The following PISD variants were observed in gnomAD, a reference collection of about 807,000 sequenced individuals.
PISD encodes phosphatidylserine decarboxylase.
A neutral mutation model predicts 43.5 loss-of-function variants in PISD; 31 were observed. The ratio of observed to expected loss-of-function variants is 0.71; its 90% CI spans 0.54 to 0.96. The LOEUF (loss-of-function observed/expected upper bound fraction) is 0.96. Ranked by LOEUF, PISD falls within the 40% of genes least tolerant of loss-of-function variation. The pLI is 0.00. For synonymous variants in PISD, 259 were observed against 228.7 expected, an observed-to-expected ratio of 1.13 and a Z score of -1.20; for missense variants, 523 against 548.4, an observed-to-expected ratio of 0.95 and a Z score of 0.46.
At chr22:31,655,076 C>CAAAAAAA (rs1038608958) in intron 1 of PISD, among the ~76,000 whole-genome samples, 1 of 57,112 alleles carries the variant, frequency 1.8e-5, no homozygotes, top group Non-Finnish European at 3.4e-5. Flanking sequence ...ACTCTATCTC[C>CAAAAAAA]AAAAAAAAAA....
At chr22:31,635,944 G>A (rs1022563083) in intron 3 of PISD, among the ~76,000 whole-genome samples, 6 of 152,240 alleles carry the variant, frequency 3.9e-5, no homozygotes, top group African/African-American at 1.4e-4. Context: ...TCCACTCCCT[G>A]CCAGCATGGG....
chr22:31,624,706 A>G (rs1338333576), intron 3 of PISD, among the ~76,000 whole-genome samples: 1 of 126,346 alleles, frequency 7.9e-6, no homozygotes. Context: ...CCTTTCAGCA[A>G]AGGTGGACAC....
chr22:31,620,171 G>A (rs2072442858), intron 7 of PISD, among the ~76,000 whole-genome samples: 1 of 152,354 alleles, frequency 6.6e-6, no homozygotes, highest in East Asian at 1.9e-4. Context: ...CCTGGGGGCA[G>A]GGTGGGCAGC....
At chr22:31,628,261 C>T (rs1421069459) in intron 3 of PISD, 1 of 878,088 alleles carries the variant, frequency 1.1e-6, no homozygotes, top group Non-Finnish European at 1.4e-6. Flanking sequence ...TCTTGCTTCC[C>T]AAGGCCAAGC....
intron 3 of PISD, among the ~76,000 whole-genome samples, chr22:31,626,776 G>A (rs2072933404): frequency 6.6e-6 from 1 of 152,246 alleles, no homozygotes; most frequent in Admixed American, 6.5e-5. Context: ...GCGGAAGGAA[G>A]AGCAAACATG....
intron 3 of PISD, among the ~76,000 whole-genome samples, chr22:31,625,253 T>G (rs1055971673): frequency 3.3e-5 from 5 of 152,272 alleles, no homozygotes; most frequent in African/African-American, 1.2e-4. Context: ...GTGCCTACTT[T>G]CTCTCCCATC....
At chr22:31,659,684 C>T (rs1162566211) in intron 1 of PISD, among the ~76,000 whole-genome samples, 3 of 151,904 alleles carry the variant, frequency 2.0e-5, no homozygotes, top group African/African-American at 4.8e-5. Context: ...TTCCGCCTCC[C>T]GGGTTCAGGA....
rs973967897 is a variant in PISD at position 31,632,107 on chromosome 22, G to C, written c.322-10222C>G. The C allele has an allele frequency of 6.2e-5, 17 of 273,352 alleles. 1 individual carries two copies. Among genetic ancestry groups the C allele is most frequent in the African/African-American group, 3.9e-4 (17 of 43,662 alleles). 16.9% of individuals were successfully genotyped at this position (273,352 alleles called of 1,614,324 possible). On this transcript the variant is annotated intron_variant, in intron 3 of 7. Coordinates refer to ENST00000439502, the MANE Select transcript of PISD (RefSeq NM_001326411.2). Reference sequence around the variant, plus strand: ...GGAGAGGGTCTGTAGGGCTTGCGGAGAAATGGTGTGGGGGCCACGCCTGGA... The same window carrying C: ...GGAGAGGGTCTGTAGGGCTTGCGGACAAATGGTGTGGGGGCCACGCCTGGA...
intron 3 of PISD, among the ~76,000 whole-genome samples, chr22:31,640,594 TTTTTG>T (rs2073672110): frequency 6.9e-6 from 1 of 145,006 alleles, no homozygotes; most frequent in Non-Finnish European, 1.5e-5. Flanking sequence ...TTTTTTTTTT[TTTTTG>T]AGACGGAGTC....
intron 6 of PISD, 99 bp downstream of exon 6, chr22:31,620,897 T>C: frequency 6.9e-7 from 1 of 1,442,340 alleles, no homozygotes; most frequent in Middle Eastern, 2.5e-4. Flanking sequence ...CTGGCCTCAA[T>C]GACCCTGATC....
rs969425030 is a variant in PISD at position 31,642,048 on chromosome 22, G to C, written c.321+6053C>G. ...TGAGGAAAAGGCTTTATGTGCAAAGGTATGCTCTGCAACATTATTCATGGT... is the reference window on the plus strand; with the variant it reads ...TGAGGAAAAGGCTTTATGTGCAAAGCTATGCTCTGCAACATTATTCATGGT... On this transcript the variant is annotated intron_variant, in intron 3 of 7. Coordinates refer to ENST00000439502, the MANE Select transcript of PISD (RefSeq NM_001326411.2). 9.9e-5 allele frequency among the ~76,000 whole-genome samples: 15 copies of C among 151,010 alleles called. 1 individual carries two copies. Among genetic ancestry groups the C allele is most frequent in the African/African-American group, 2.5e-4 (10 of 40,316 alleles).
intron 3 of PISD, among the ~76,000 whole-genome samples, chr22:31,640,578 T>G (rs8139316): frequency 0.013 from 1,526 of 115,274 alleles, 3 homozygotes; most frequent in Non-Finnish European, 0.018. Flanking sequence ...TTTGGTTGTT[T>G]TTTTTTTTTT....
chr22:31,644,258 A>C (rs1156230563), intron 3 of PISD, among the ~76,000 whole-genome samples: 1 of 131,784 alleles, frequency 7.6e-6, no homozygotes, highest in Admixed American at 7.4e-5. Context: ...TTTTTTTTTG[A>C]GATGGAGTCT....
Position 31,630,887 on chromosome 22 carries a change from C to T in PISD, c.322-9002G>A, listed in dbSNP as rs1163421455. On this transcript the variant is annotated intron_variant, in intron 3 of 7. Coordinates refer to ENST00000439502, the MANE Select transcript of PISD (RefSeq NM_001326411.2). This position sits in a 1 kb window ranked among gnomAD's most constrained non-coding sequence, Gnocchi z 4.4. ...AGCCTTGGGGCGAGTGGGCGGGGCT[C>T]GGGCTCCAGCCACTCAGACTACCAG... 1.2e-5 allele frequency: 12 copies of T among 984,162 alleles called. No individual in the cohort carries two copies. The highest frequency in any genetic ancestry group is 6.1e-5 in the Admixed American group (1 of 16,270). The allele number at this position is 984,162 out of a possible 1,614,324, so 61.0% of individuals were successfully genotyped here.
intron 3 of PISD, chr22:31,629,328 G>T: frequency 1.9e-6 from 1 of 534,038 alleles, no homozygotes; most frequent in Non-Finnish European, 2.4e-6. Flanking sequence ...GTATAGGTGC[G>T]AGGATGTGTG....
intron 1 of PISD, among the ~76,000 whole-genome samples, chr22:31,655,612 C>G (rs1470595201): frequency 6.6e-6 from 1 of 151,664 alleles, no homozygotes; most frequent in Non-Finnish European, 1.5e-5. Flanking sequence ...AGCCACTGCA[C>G]CAGGCCAGGA....
intron 3 of PISD, among the ~76,000 whole-genome samples, chr22:31,637,061 C>A (rs575019543): frequency 2.5e-4 from 37 of 148,442 alleles, no homozygotes; most frequent in African/African-American, 8.7e-4. Flanking sequence ...GCCAAGGCAG[C>A]TATATCACTT....
chr22:31,651,994 T>C, intron 1 of PISD, among the ~76,000 whole-genome samples: 1 of 152,052 alleles, frequency 6.6e-6, no homozygotes, highest in East Asian at 1.9e-4. Context: ...TCCGAGTCAA[T>C]AAACATTTTT....
At chr22:31,627,592 C>T (rs1226486328) in intron 3 of PISD, among the ~76,000 whole-genome samples, 6 of 152,236 alleles carry the variant, frequency 3.9e-5, no homozygotes, top group Non-Finnish European at 8.8e-5. Flanking sequence ...CTATAGAGTG[C>T]AGGCTTGGAA....
Sources: gnomAD v4.1 joint callset for allele counts (sites outside exome capture counted in the v4.1 genomes callset) on GRCh38, gnomAD v4.1.1 for gene constraint, Gnocchi (gnomAD v3.1) non-coding constraint, MANE v1.5 for transcripts, NCBI Gene and HGNC (gene_info 2026-07-23, HGNC 2026-07-21) for gene names.